Variants in IL19 observed in about 807,000 individuals in gnomAD.
IL19 encodes the protein interleukin 19.
A neutral mutation model predicts 19.5 loss-of-function variants in IL19; 15 were observed. The observed-to-expected ratio is 0.77, with a 90% CI of 0.52 to 1.19. The LOEUF (loss-of-function observed/expected upper bound fraction) is 1.19, where lower values mean the gene tolerates loss of function less well. Among genes scored for constraint, IL19 ranks in the 50% most tolerant of loss-of-function variants. The pLI is 0.00. For synonymous variants in IL19, 78 were observed against 78.3 expected (o/e 1.00, Z 0.02); for missense variants, 199 against 213.1 (o/e 0.93, Z 0.41).
At chr1:206,803,460 A>G (rs1056978474) in intron 2 of IL19, among the ~76,000 whole-genome samples, 1 of 152,142 alleles carries the variant, frequency 6.6e-6, no homozygotes, top group Non-Finnish European at 1.5e-5. Flanking sequence ...CAAAGCTTGT[A>G]TCTTTACTCT....
At chr1:206,798,833 T>C in intron 1 of IL19, 28 bp from the exon 2 acceptor site, 2 of 1,266,108 alleles carry the variant, frequency 1.6e-6, no homozygotes, top group Non-Finnish European at 2.3e-6. Context: ...CTTTTTGTAA[T>C]GATGACTCTC....
intron 1 of IL19, among the ~76,000 whole-genome samples, chr1:206,789,333 T>A (rs67226021): frequency 0.042 from 6,343 of 152,262 alleles, 152 homozygotes; most frequent in Middle Eastern, 0.061. Flanking sequence ...TAATTTTAAA[T>A]CCCTTATCCC....
chr1:206,799,106 C>A (rs1224467455), intron 2 of IL19, 100 bp downstream of exon 2: 9 of 807,266 alleles, frequency 1.1e-5, no homozygotes, highest in Non-Finnish European at 1.9e-5. Flanking sequence ...GGTTTTCAGA[C>A]ACCTATGAAC....
chr1:206,823,876 C>A (rs189300434), intron 2 of IL19, among the ~76,000 whole-genome samples: 1 of 152,314 alleles, frequency 6.6e-6, no homozygotes, highest in Middle Eastern at 3.4e-3. Flanking sequence ...CAGGATGTTC[C>A]TGCCAAGGGA....
intron 1 of IL19, among the ~76,000 whole-genome samples, chr1:206,789,046 G>C (rs1250382709): frequency 6.6e-6 from 1 of 152,204 alleles, no homozygotes; most frequent in Non-Finnish European, 1.5e-5. Flanking sequence ...TCAGATACCA[G>C]TCAGAATGCT....
chr1:206,780,827 G>T (rs944207084), intron 1 of IL19, among the ~76,000 whole-genome samples: 1 of 152,194 alleles, frequency 6.6e-6, no homozygotes, highest in Non-Finnish European at 1.5e-5. Context: ...ACAATTAGGG[G>T]CAGCTGTCTA....
In IL19 at chr1:206,841,021, T is replaced by C; in HGVS notation, c.381T>C (p.Cys127=). ...TLRQCQEQRQ[C]HCRQEATNAT... ...TATCACAGCAGGAACAGAGGCAGTGTCACTGCAGGCAGGAAGCCACCAATG... is the reference window on the plus strand; with the variant it reads ...TATCACAGCAGGAACAGAGGCAGTGCCACTGCAGGCAGGAAGCCACCAATG... The change falls in exon 6 of 7, where the codon TGT becomes TGC. Residue 127 remains cysteine (C), a synonymous_variant. Transcript: ENST00000659997. 6.2e-7 allele frequency: 1 copy of C among 1,613,916 alleles called. No homozygotes were observed. The highest frequency in any genetic ancestry group is 8.5e-7 in the Non-Finnish European group (1 of 1,179,826).
At chr1:206,801,949 G>A (rs994820611) in intron 2 of IL19, among the ~76,000 whole-genome samples, 5 of 152,184 alleles carry the variant, frequency 3.3e-5, no homozygotes, top group Admixed American at 1.3e-4. Flanking sequence ...AGCAGAAAAA[G>A]GGAAGGGACA....
chr1:206,770,847 G>T lies in IL19; in HGVS notation c.-380G>T. On this transcript the variant is annotated 5_prime_UTR_variant, in exon 1 of 7. Coordinates refer to ENST00000659997, the MANE Select transcript of IL19 (RefSeq NM_153758.5). ...TCTGTGGATGTGAGTGTCCCTGCTG[G>T]TCTGTAGGAGATGGTATTTTGGGGG... 1.3e-6 allele frequency: 2 copies of T among 1,514,584 alleles called. No individual in the cohort carries two copies. Among genetic ancestry groups the T allele is most frequent in the Non-Finnish European group, 1.8e-6 (2 of 1,088,394 alleles). The allele number at this position is 1,514,584 out of a possible 1,614,324, so 93.8% of individuals were successfully genotyped here. A position where few individuals can be genotyped will look rare whatever the true frequency, so the allele number is the denominator to read the frequency against.
intron 1 of IL19, among the ~76,000 whole-genome samples, chr1:206,797,265 CT>C (rs1179735375): frequency 4.9e-5 from 5 of 102,112 alleles, no homozygotes; most frequent in Admixed American, 3.4e-4. Context: ...CTCCTTTGTA[CT>C]TTCTTGCTCA....
intron 2 of IL19, among the ~76,000 whole-genome samples, chr1:206,824,211 G>T (rs944908684): frequency 6.6e-6 from 1 of 152,206 alleles, no homozygotes; most frequent in Non-Finnish European, 1.5e-5. Context: ...AAGAAGCCTA[G>T]GTAGGCTGAG....
chr1:206,812,800 G>C (rs563912360), intron 2 of IL19, among the ~76,000 whole-genome samples: 1 of 152,248 alleles, frequency 6.6e-6, no homozygotes, highest in Admixed American at 6.5e-5. Context: ...GTTGCTTACT[G>C]TGTGTATTTG....
intron 1 of IL19, among the ~76,000 whole-genome samples, chr1:206,793,512 C>T (rs1043515986): frequency 2.6e-5 from 4 of 152,176 alleles, no homozygotes; most frequent in African/African-American, 4.8e-5. Context: ...CCTGACTCAC[C>T]CTGCATCGCT....
At chr1:206,781,489 A>G (rs1253882771) in intron 1 of IL19, among the ~76,000 whole-genome samples, 1 of 151,316 alleles carries the variant, frequency 6.6e-6, no homozygotes, top group East Asian at 1.9e-4. Flanking sequence ...CACTTTGCTC[A>G]GAAGGACATC....
intron 2 of IL19, among the ~76,000 whole-genome samples, chr1:206,815,207 G>C (rs1445587746): frequency 6.6e-6 from 1 of 152,128 alleles, no homozygotes; most frequent in Non-Finnish European, 1.5e-5. Context: ...TGGGTTCCAA[G>C]AACAAACAGC....
At chr1:206,772,012 T>A (rs1439516551) in intron 1 of IL19, among the ~76,000 whole-genome samples, 1 of 152,206 alleles carries the variant, frequency 6.6e-6, no homozygotes, top group African/African-American at 2.4e-5. Context: ...GCCAGCAGGA[T>A]CTTATAAGTT....
At chr1:206,773,453 G>A (rs940370224) in intron 1 of IL19, among the ~76,000 whole-genome samples, 1 of 152,184 alleles carries the variant, frequency 6.6e-6, no homozygotes, top group African/African-American at 2.4e-5. Context: ...TTTAAAAGAT[G>A]GGGTGGAAGA....
rs371608920 is a variant in IL19 at position 206,770,920 on chromosome 1, C to T, written c.-307C>T. 1.9e-6 allele frequency: 3 copies of T among 1,614,030 alleles called. No individual in the cohort carries two copies. The highest frequency in any genetic ancestry group is 1.1e-5 in the South Asian group (1 of 91,080). On this transcript the variant is annotated 5_prime_UTR_variant, in exon 1 of 7. Coordinates refer to ENST00000659997, the MANE Select transcript of IL19 (RefSeq NM_153758.5). ...TCTGCTACTTACACAGCGCCGTAGC[C>T]TCAGCCTGAGGGTCTTCAGGTTCTC...
intron 2 of IL19, among the ~76,000 whole-genome samples, chr1:206,803,192 C>T (rs561273959): frequency 6.6e-6 from 1 of 152,268 alleles, no homozygotes; most frequent in Admixed American, 6.5e-5. Flanking sequence ...CATTGAGGGC[C>T]TTGGCTTCTG....
Sources: allele counts gnomAD v4.1 joint callset (sites outside exome capture counted in the v4.1 genomes callset), GRCh38; gene constraint gnomAD v4.1.1; transcripts MANE v1.5; gene names NCBI Gene and HGNC (gene_info 2026-07-23, HGNC 2026-07-21).